The following CPLX2 variants were observed in gnomAD, a reference collection of about 807,000 sequenced individuals.
CPLX2 encodes complexin 2.
A neutral mutation model predicts 16.3 loss-of-function variants in CPLX2; 5 were observed. The ratio of observed to expected loss-of-function variants is 0.31; its 90% CI spans 0.16 to 0.64. CPLX2 has a LOEUF of 0.64. Ranked by LOEUF, CPLX2 falls within the 30% of genes least tolerant of loss-of-function variation. CPLX2 has a pLI of 0.79. For missense variants in CPLX2, 144 were observed against 181.4 expected, an observed-to-expected ratio of 0.79 and a Z score of 1.18; for synonymous variants, 89 against 73.2, an observed-to-expected ratio of 1.22 and a Z score of -1.10.
intron 2 of CPLX2, among the ~76,000 whole-genome samples, chr5:175,865,955 T>C (rs923688584): frequency 6.6e-6 from 1 of 152,262 alleles, no homozygotes; most frequent in Non-Finnish European, 1.5e-5. Flanking sequence ...TCTGTGATTC[T>C]AAATGTGATT....
chr5:175,844,681 G>GC (rs1227442622), intron 2 of CPLX2, among the ~76,000 whole-genome samples: 1 of 152,252 alleles, frequency 6.6e-6, no homozygotes, highest in Non-Finnish European at 1.5e-5. Flanking sequence ...AGTGCGAAGG[G>GC]CCGGAGGCTG....
At chr5:175,800,743 G>A (rs1447353835) in intron 1 of CPLX2, among the ~76,000 whole-genome samples, 1 of 152,232 alleles carries the variant, frequency 6.6e-6, no homozygotes, top group African/African-American at 2.4e-5. Context: ...ACCATTCCAA[G>A]TGATGGTGAT....
upstream of CPLX2, among the ~76,000 whole-genome samples, chr5:175,867,551 T>A (rs1581099674): frequency 6.6e-6 from 1 of 152,248 alleles, no homozygotes; most frequent in Non-Finnish European, 1.5e-5. Context: ...TATGTGGTAC[T>A]CTTGCCTTAC....
chr5:175,876,936 C>A (rs1759772334), intron 1 of CPLX2, among the ~76,000 whole-genome samples: 1 of 152,226 alleles, frequency 6.6e-6, no homozygotes, highest in Non-Finnish European at 1.5e-5. Flanking sequence ...GGTGGGTTCT[C>A]TTGCATTTCT....
chr5:175,824,054 T>C (rs1758561983), intron 2 of CPLX2, among the ~76,000 whole-genome samples: 1 of 152,128 alleles, frequency 6.6e-6, no homozygotes, highest in African/African-American at 2.4e-5. Flanking sequence ...ACAGGCCCCC[T>C]GCCAGCCATA....
In CPLX2 at chr5:175,878,658, A is replaced by AC. The variant is rs1311938623; in HGVS notation, c.-81dup. 1 of 1,529,104 alleles carries AC rather than the reference A, an allele frequency of 6.5e-7. No individual in the cohort carries two copies. 94.7% of individuals were successfully genotyped at this position (1,529,104 alleles called of 1,614,324 possible). ...TCCCAATTCTCTTCTGCAGGTTGTCACATCTTCCCAAGCCAGGCCAGCCAG... is the reference window on the plus strand; with the variant it reads ...TCCCAATTCTCTTCTGCAGGTTGTCACCATCTTCCCAAGCCAGGCCAGCCAG... On this transcript the variant is annotated 5_prime_UTR_variant, in exon 2 of 4. Coordinates refer to ENST00000393745, the MANE Select transcript of CPLX2 (RefSeq NM_001008220.2).
chr5:175,801,054 G>A (rs929209459), intron 1 of CPLX2, among the ~76,000 whole-genome samples: 4 of 151,974 alleles, frequency 2.6e-5, no homozygotes, highest in Admixed American at 6.6e-5. Flanking sequence ...GGGGCAGGGA[G>A]GGGGCAGAGA....
Position 175,830,807 on chromosome 5 carries a change from A to G in CPLX2, c.-89+21739A>G, listed in dbSNP as rs1019017911. On this transcript the variant is annotated intron_variant, in intron 2 of 4. Coordinates refer to the CPLX2 transcript ENST00000359546. This position sits in a 1 kb window ranked among gnomAD's most constrained non-coding sequence, Gnocchi z 4.0. ...CGTTCACCCTGCTCACAGCTCAGCCAAGAAGCCCAGATCTGGGAAGGAGAG... is the reference window on the plus strand; with the variant it reads ...CGTTCACCCTGCTCACAGCTCAGCCGAGAAGCCCAGATCTGGGAAGGAGAG... Among the ~76,000 whole-genome samples, 1 of 152,188 alleles carries G rather than the reference A, an allele frequency of 6.6e-6. No homozygotes were observed. Among genetic ancestry groups the G allele is most frequent in the Non-Finnish European group, 1.5e-5 (1 of 68,028 alleles).
chr5:175,823,354 G>A (rs892574344), intron 2 of CPLX2, among the ~76,000 whole-genome samples: 9 of 152,172 alleles, frequency 5.9e-5, no homozygotes, highest in Admixed American at 5.2e-4. Context: ...ATGCATGGAT[G>A]GTAGGATAGA....
chr5:175,847,500 C>T (rs1008626261), intron 2 of CPLX2, among the ~76,000 whole-genome samples: 9 of 152,224 alleles, frequency 5.9e-5, no homozygotes, highest in South Asian at 2.1e-4. Flanking sequence ...GCCGCTAAAG[C>T]TAGGATTTGA....
In CPLX2 at chr5:175,879,100, C is replaced by T. The variant is rs544890678; in HGVS notation, c.207+17C>T. On this transcript the variant is annotated intron_variant, in intron 3 of 3. Transcript: ENST00000393745. ...CGAGATAAGGTCAGCTCCGCCCGCCCGCCCGTCCTGGGGAGGGCCACAAGC... is the reference window on the plus strand; with the variant it reads ...CGAGATAAGGTCAGCTCCGCCCGCCTGCCCGTCCTGGGGAGGGCCACAAGC... 8 of 1,553,130 alleles carry T rather than the reference C, an allele frequency of 5.2e-6. No individual in the cohort carries two copies. The highest frequency in any genetic ancestry group is 2.4e-5 in the East Asian group (1 of 41,548).
intron 2 of CPLX2, among the ~76,000 whole-genome samples, chr5:175,843,626 G>A (rs935212620): frequency 2.6e-5 from 4 of 152,238 alleles, no homozygotes; most frequent in Non-Finnish European, 1.5e-5. Context: ...CTAAAGGGCT[G>A]AGAAAGCCTT....
intron 2 of CPLX2, among the ~76,000 whole-genome samples, chr5:175,852,181 C>A (rs1759170008): frequency 6.6e-6 from 1 of 152,190 alleles, no homozygotes; most frequent in African/African-American, 2.4e-5. Context: ...ACTCTGATAG[C>A]CTTCCAACCC....
intron 2 of CPLX2, among the ~76,000 whole-genome samples, chr5:175,821,863 A>C (rs563433617): frequency 6.6e-6 from 1 of 152,378 alleles, no homozygotes; most frequent in South Asian, 2.1e-4. Flanking sequence ...GAGATGAGTC[A>C]TGTACCTAAA....
At chr5:175,836,655 C>A (rs995243137) in intron 2 of CPLX2, among the ~76,000 whole-genome samples, 1 of 152,196 alleles carries the variant, frequency 6.6e-6, no homozygotes, top group African/African-American at 2.4e-5. Flanking sequence ...TGAGGTTCAG[C>A]CAGGGTGGGT....
rs1219544152 is a variant in CPLX2, at chr5:175,842,629, G to T, written c.-89+33561G>T. On this transcript the variant is annotated intron_variant, in intron 2 of 4. Transcript: ENST00000359546. The stretch of plus-strand genomic sequence containing the variant: ...ACGGCCATGGGGCCTGCACTCCAGG[G>T]TTCCCCTAATCCTCCTCCCCTGGCC... Among the ~76,000 whole-genome samples, 3 of 152,214 alleles carry T rather than the reference G, an allele frequency of 2.0e-5. No homozygotes were observed. In the East Asian group the frequency reaches 5.8e-4, roughly 29 times the overall value.
chr5:175,805,109 T>C (rs920795490), intron 1 of CPLX2, among the ~76,000 whole-genome samples: 1 of 152,224 alleles, frequency 6.6e-6, no homozygotes, highest in African/African-American at 2.4e-5. Flanking sequence ...CCGCTGCTGG[T>C]GGTGGGTCAA....
intron 2 of CPLX2, among the ~76,000 whole-genome samples, chr5:175,847,772 C>T (rs1008800550): frequency 2.0e-5 from 3 of 152,192 alleles, no homozygotes. Flanking sequence ...CTGGCTTCCC[C>T]GATTCTGCTA....
chr5:175,853,382 G>A (rs1174907705), intron 2 of CPLX2, among the ~76,000 whole-genome samples: 1 of 152,144 alleles, frequency 6.6e-6, no homozygotes, highest in Non-Finnish European at 1.5e-5. Flanking sequence ...ACTGGCCCCA[G>A]CGCCCCTCCT....
Sources: gnomAD v4.1 joint callset for allele counts (sites outside exome capture counted in the v4.1 genomes callset) on GRCh38, gnomAD v4.1.1 for gene constraint, Gnocchi (gnomAD v3.1) non-coding constraint, MANE v1.5 for transcripts, NCBI Gene and HGNC (gene_info 2026-07-23, HGNC 2026-07-21) for gene names.